Variants in VAV1 observed in about 807,000 individuals in gnomAD.
VAV1 encodes the protein vav guanine nucleotide exchange factor 1.
VAV1 carries 33 observed loss-of-function variants against 128.1 expected under a neutral mutation model. That is an observed-to-expected ratio of 0.26 (90% CI 0.20 to 0.34). VAV1 has a LOEUF of 0.34. Among genes scored for constraint, VAV1 ranks in the 10% least tolerant of loss-of-function variants. VAV1 has a pLI of 1.00. For synonymous variants in VAV1, 394 were observed against 409.8 expected (o/e 0.96, Z 0.47); for missense variants, 715 against 1,093.7 (o/e 0.65, Z 4.88).
chr19:6,832,223 C>G (rs768193215), intron 15 of VAV1, 23 bp downstream of exon 15: 3 of 1,611,164 alleles, frequency 1.9e-6, no homozygotes, highest in Non-Finnish European at 2.5e-6. Context: ...CTTCCTCCCT[C>G]TTTCTGTCCA....
intron 1 of VAV1, among the ~76,000 whole-genome samples, chr19:6,800,028 C>T (rs75023531): frequency 0.039 from 5,882 of 151,606 alleles, 383 homozygotes; most frequent in African/African-American, 0.13. Context: ...CCAGTCACGG[C>T]GGCTCATGCC....
chr19:6,795,517 T>C (rs1400184180), intron 1 of VAV1, among the ~76,000 whole-genome samples: 1 of 152,166 alleles, frequency 6.6e-6, no homozygotes, highest in South Asian at 2.1e-4. Flanking sequence ...TTTATAACTC[T>C]AATGGGTAAG....
intron 1 of VAV1, among the ~76,000 whole-genome samples, chr19:6,787,125 C>A (rs1303297431): frequency 6.6e-6 from 1 of 150,772 alleles, no homozygotes; most frequent in Non-Finnish European, 1.5e-5. Context: ...TCTCAGGACA[C>A]CTCCTCCCCA....
At chr19:6,833,422 T>C in intron 16 of VAV1, 106 bp from the exon 17 acceptor site, 2 of 1,393,014 alleles carry the variant, frequency 1.4e-6, no homozygotes, top group South Asian at 1.4e-5. Context: ...TCCGTCACTC[T>C]CCTGATCTAA....
intron 22 of VAV1, among the ~76,000 whole-genome samples, chr19:6,844,066 T>TTTTTTTTTTTTTTTTTTTC (rs1972454226): frequency 2.6e-5 from 1 of 37,950 alleles, no homozygotes; most frequent in African/African-American, 1.2e-4. Context: ...TCTTCTTCTT[T>TTTTTTTTTTTTTTTTTTTC]TTTTTTTTTT....
At chr19:6,809,082 T>G (rs1971459773) in intron 1 of VAV1, among the ~76,000 whole-genome samples, 1 of 148,272 alleles carries the variant, frequency 6.7e-6, no homozygotes, top group African/African-American at 2.6e-5. Context: ...CCTCTCTTTT[T>G]TTTTTTTTTT....
chr19:6,838,081 A>ATCTGTCTG (rs1257293279), intron 21 of VAV1, among the ~76,000 whole-genome samples: 2 of 133,304 alleles, frequency 1.5e-5, no homozygotes, highest in South Asian at 5.3e-4. Context: ...TTCTGCCCTC[A>ATCTGTCTG]TCTGTCTGTC....
At chr19:6,804,112 C>T (rs1053974139) in intron 1 of VAV1, among the ~76,000 whole-genome samples, 10 of 152,008 alleles carry the variant, frequency 6.6e-5, no homozygotes, top group East Asian at 1.9e-4. Context: ...AAGCTTTCCA[C>T]GGCAGTGAAA....
chr19:6,836,680 TG>T, intron 20 of VAV1, 112 bp downstream of exon 20: 1 of 1,482,304 alleles, frequency 6.7e-7, no homozygotes, highest in South Asian at 1.3e-5. Flanking sequence ...AGGTGATGCC[TG>T]GGGAGTGGGG....
At position 6,834,250 on chromosome 19, in the gene VAV1, T is replaced by A. The variant is rs2008092; in HGVS notation, c.1777+297T>A. Among the ~76,000 whole-genome samples, 1,052 of 151,996 alleles carry A rather than the reference T, an allele frequency of 6.9e-3. 10 individuals carry two copies. Among genetic ancestry groups the A allele is most frequent in the African/African-American group, 0.022 (931 of 41,428 alleles). The stretch of plus-strand genomic sequence containing the variant: ...ATGTGCTTATTTTAATTAATTAATT[T>A]ATTTATTTCTGGAGATGGAGTCTTG... On this transcript the variant is annotated intron_variant, in intron 19 of 26. Coordinates refer to ENST00000602142, the MANE Select transcript of VAV1 (RefSeq NM_005428.4).
intron 21 of VAV1, among the ~76,000 whole-genome samples, chr19:6,838,097 G>GTCTATCTATCTATCTATCTATCTATCTA (rs151241479): frequency 6.8e-6 from 1 of 146,536 alleles, no homozygotes; most frequent in Non-Finnish European, 1.5e-5. Context: ...CTGTCTGTCT[G>GTCTATCTATCTATCTATCTATCTATCTA]TCTATCTATC....
At chr19:6,780,250 A>G (rs1194378800) in intron 1 of VAV1, among the ~76,000 whole-genome samples, 5 of 150,288 alleles carry the variant, frequency 3.3e-5, no homozygotes, top group African/African-American at 1.2e-4. Flanking sequence ...CATCTGTAAA[A>G]TGAGGATGCT....
At chr19:6,839,004 G>T (rs1455405127) in intron 21 of VAV1, among the ~76,000 whole-genome samples, 1 of 152,058 alleles carries the variant, frequency 6.6e-6, no homozygotes, top group Admixed American at 6.6e-5. Context: ...CCGGTTTCAA[G>T]CGATTCTCCT....
chr19:6,841,834 T>A (rs1219263975), intron 21 of VAV1, among the ~76,000 whole-genome samples: 1 of 152,176 alleles, frequency 6.6e-6, no homozygotes, highest in African/African-American at 2.4e-5. Flanking sequence ...AGGGTTCTGA[T>A]TTCTCCACAT....
chr19:6,812,781 T>C (rs1028976003), intron 1 of VAV1, among the ~76,000 whole-genome samples: 2 of 152,078 alleles, frequency 1.3e-5, no homozygotes, highest in African/African-American at 4.8e-5. Context: ...ATTGTGGTAA[T>C]GATGGTGGTG....
Position 6,833,497 on chromosome 19 carries a change from C to T in VAV1, c.1611-31C>T, listed in dbSNP as rs375191969. 26 of 1,561,224 alleles carry T rather than the reference C, an allele frequency of 1.7e-5. No individual in the cohort carries two copies. The African/African-American group carries it at 2.3e-4, about 14-fold the overall frequency. ...TTTGGCCCTGTCTGTAAAGGTCACT[C>T]GCTCTTCTTTATGTGTTCCCTGCAT... On this transcript the variant is annotated intron_variant, in intron 16 of 26. Coordinates refer to ENST00000602142, the MANE Select transcript of VAV1 (RefSeq NM_005428.4).
intron 1 of VAV1, among the ~76,000 whole-genome samples, chr19:6,787,472 C>G (rs913928113): frequency 4.6e-5 from 7 of 152,172 alleles, no homozygotes; most frequent in African/African-American, 1.7e-4. Flanking sequence ...TCACCGCACC[C>G]AGCCCTCCAT....
intron 1 of VAV1, among the ~76,000 whole-genome samples, chr19:6,810,652 C>A (rs539946368): frequency 6.6e-6 from 1 of 152,096 alleles, no homozygotes; most frequent in South Asian, 2.1e-4. Flanking sequence ...TTGCAGTGAG[C>A]TGAGATCACG....
At chr19:6,850,226 T>G (rs1196848756) in intron 23 of VAV1, among the ~76,000 whole-genome samples, 3 of 56,572 alleles carry the variant, frequency 5.3e-5, no homozygotes, top group African/African-American at 6.5e-4. Flanking sequence ...TGTTTCTTTG[T>G]TTTTTTTTTT....
Sources: gnomAD v4.1 joint callset for allele counts (sites outside exome capture counted in the v4.1 genomes callset) on GRCh38, gnomAD v4.1.1 for gene constraint, MANE v1.5 for transcripts, NCBI Gene and HGNC (gene_info 2026-07-23, HGNC 2026-07-21) for gene names.